The following REDIC1 variants were observed in gnomAD, a reference collection of about 807,000 sequenced individuals.
The protein encoded by REDIC1 is regulator of DNA class I crossover intermediates 1.
chr12:39,670,537 A>G, the REDIC1 span, among the ~76,000 whole-genome samples: 31 of 151,980 alleles, frequency 2.0e-4, no homozygotes, highest in Middle Eastern at 3.4e-3. Context: ...GGGAGATAAG[A>G]CCTTTTTGGG....
At chr12:39,816,842 T>A in the REDIC1 span, among the ~76,000 whole-genome samples, 1 of 152,120 alleles carries the variant, frequency 6.6e-6, no homozygotes, top group Admixed American at 6.5e-5. Context: ...TCAGAAGAAT[T>A]CTAAACATTT....
the REDIC1 span, among the ~76,000 whole-genome samples, chr12:39,737,673 T>A: frequency 1.3e-5 from 2 of 152,216 alleles, no homozygotes; most frequent in Admixed American, 6.5e-5. Flanking sequence ...CAGTCAATAG[T>A]GGAGACAGTA....
chr12:39,846,806 A>T, the REDIC1 span, among the ~76,000 whole-genome samples: 1 of 152,164 alleles, frequency 6.6e-6, no homozygotes, highest in African/African-American at 2.4e-5. Context: ...AAATAATAGC[A>T]TCTATCTCAG....
At chr12:39,874,788 G>C in the REDIC1 span, among the ~76,000 whole-genome samples, 1 of 152,166 alleles carries the variant, frequency 6.6e-6, no homozygotes, top group Non-Finnish European at 1.5e-5. Context: ...GATTAAATCT[G>C]TTCTATGAAG....
chr12:39,661,645 C>G, the REDIC1 span, among the ~76,000 whole-genome samples: 1 of 151,946 alleles, frequency 6.6e-6, no homozygotes, highest in Admixed American at 6.6e-5. Context: ...TGTGAAGAAG[C>G]TTTTTAGTTT....
At chr12:39,841,843 G>C in the REDIC1 span, among the ~76,000 whole-genome samples, 2 of 151,766 alleles carry the variant, frequency 1.3e-5, no homozygotes, top group Non-Finnish European at 2.9e-5. Context: ...GAAATTCTTA[G>C]GTTTGCAAAC....
chr12:39,830,294 C>T, the REDIC1 span: 3 of 1,558,846 alleles, frequency 1.9e-6, no homozygotes, highest in South Asian at 1.2e-5. Flanking sequence ...ATACTGGATT[C>T]CATGTGCTTC....
chr12:39,712,537 T>C, the REDIC1 span, among the ~76,000 whole-genome samples: 3 of 141,866 alleles, frequency 2.1e-5, no homozygotes, highest in Non-Finnish European at 4.7e-5. Context: ...TATACGAATA[T>C]GCGTATATAC....
At chr12:39,754,082 C>T in the REDIC1 span, among the ~76,000 whole-genome samples, 1 of 152,116 alleles carries the variant, frequency 6.6e-6, no homozygotes, top group Non-Finnish European at 1.5e-5. Flanking sequence ...TTTAATCTAT[C>T]TGCCTGGGTC....
the REDIC1 span, among the ~76,000 whole-genome samples, chr12:39,658,797 T>C: frequency 1.1e-4 from 17 of 152,326 alleles, no homozygotes; most frequent in East Asian, 1.9e-4. Flanking sequence ...ATCTTCAAGT[T>C]ATAGTATCAA....
chr12:39,759,857 A>G, the REDIC1 span: 3 of 569,102 alleles, frequency 5.3e-6, no homozygotes, highest in Non-Finnish European at 9.3e-6. Flanking sequence ...TGTGGAAAAA[A>G]AAAGTCATCA....
chr12:39,728,925 A>T, the REDIC1 span, among the ~76,000 whole-genome samples: 1 of 151,434 alleles, frequency 6.6e-6, no homozygotes, highest in Non-Finnish European at 1.5e-5. Context: ...CATTTCTTCT[A>T]GATTTTCTAG....
chr12:39,712,996 TG>T, the REDIC1 span, among the ~76,000 whole-genome samples: 50 of 142,648 alleles, frequency 3.5e-4, 1 homozygote, highest in African/African-American at 1.3e-3. Context: ...TGTATATACG[TG>T]TATATGTATA....
the REDIC1 span, chr12:39,864,930 T>C: frequency 6.5e-7 from 1 of 1,541,266 alleles, no homozygotes; most frequent in Non-Finnish European, 8.8e-7. Flanking sequence ...CAATATTGTT[T>C]TAAGGCAGAC....
the REDIC1 span, among the ~76,000 whole-genome samples, chr12:39,706,873 T>G: frequency 5.3e-5 from 8 of 151,980 alleles, no homozygotes; most frequent in Non-Finnish European, 1.0e-4. Flanking sequence ...ATTAAAGACT[T>G]AAATCTAAGA....
chr12:39,667,592 G>T, the REDIC1 span, among the ~76,000 whole-genome samples: 1 of 152,192 alleles, frequency 6.6e-6, no homozygotes. Flanking sequence ...TCTGCTTGGT[G>T]CAGAGCTGAG....
chr12:39,899,019 T>C, the REDIC1 span, among the ~76,000 whole-genome samples: 3 of 152,120 alleles, frequency 2.0e-5, no homozygotes, highest in Non-Finnish European at 4.4e-5. Context: ...GAGGATTCCC[T>C]CTTTTTCTAT....
At chr12:39,730,624 C>T in the REDIC1 span, among the ~76,000 whole-genome samples, 15 of 152,218 alleles carry the variant, frequency 9.9e-5, no homozygotes, top group African/African-American at 1.4e-4. Context: ...GTGAATCTGA[C>T]GACTACGTGT....
the REDIC1 span, among the ~76,000 whole-genome samples, chr12:39,734,025 G>A: frequency 8.8e-3 from 1,348 of 152,326 alleles, 13 homozygotes; most frequent in Middle Eastern, 0.027. Flanking sequence ...TGAAACCCAG[G>A]GCCCTGGTGG....
Sources: allele counts gnomAD v4.1 joint callset (sites outside exome capture counted in the v4.1 genomes callset), GRCh38; gene constraint gnomAD v4.1.1; transcripts MANE v1.5; gene names NCBI Gene and HGNC (gene_info 2026-07-23, HGNC 2026-07-21).